The following ABHD17C variants were observed in gnomAD, a reference collection of about 807,000 sequenced individuals.
The protein encoded by ABHD17C is alpha/beta hydrolase domain-containing protein 17C.
A neutral mutation model predicts 27.9 loss-of-function variants in ABHD17C; 11 were observed. The ratio of observed to expected loss-of-function variants is 0.39; its 90% confidence interval spans 0.25 to 0.65. The LOEUF (loss-of-function observed/expected upper bound fraction) is 0.65. Among genes scored for constraint, ABHD17C ranks in the 30% least tolerant of loss-of-function variants. ABHD17C has a pLI of 0.45. For synonymous variants in ABHD17C, 233 were observed against 209.1 expected, an observed-to-expected ratio of 1.11 and a Z score of -0.98; for missense variants, 280 against 470.2, an observed-to-expected ratio of 0.60 and a Z score of 3.74.
intron 1 of ABHD17C, among the ~76,000 whole-genome samples, chr15:80,710,627 T>C (rs1304107416): frequency 2.0e-5 from 3 of 152,230 alleles, no homozygotes; most frequent in Non-Finnish European, 2.9e-5. Flanking sequence ...CAGTATTTGC[T>C]GATGCAGAGT....
intron 1 of ABHD17C, among the ~76,000 whole-genome samples, 194 bp from the exon 2 acceptor site, chr15:80,749,315 CACTT>C (rs1336464170): frequency 6.6e-6 from 1 of 152,154 alleles, no homozygotes; most frequent in East Asian, 1.9e-4. Context: ...GAATCATAGT[CACTT>C]AGTACCAAAA....
chr15:80,729,104 G>C (rs75638527), intron 1 of ABHD17C, among the ~76,000 whole-genome samples: 1 of 152,100 alleles, frequency 6.6e-6, no homozygotes, highest in Admixed American at 6.5e-5. Flanking sequence ...GTTTATTATC[G>C]TATCTTCAGC....
At chr15:80,728,928 A>G (rs776412240) in intron 1 of ABHD17C, among the ~76,000 whole-genome samples, 4 of 152,216 alleles carry the variant, frequency 2.6e-5, no homozygotes, top group Non-Finnish European at 5.9e-5. Flanking sequence ...CAGATTTTCT[A>G]AAGTCTGTAT....
chr15:80,732,356 T>C (rs1393523190), intron 1 of ABHD17C, among the ~76,000 whole-genome samples: 1 of 152,208 alleles, frequency 6.6e-6, no homozygotes, highest in African/African-American at 2.4e-5. Flanking sequence ...CCACGTTTAG[T>C]CCATATCCCA....
chr15:80,730,697 G>C (rs1895046127), intron 1 of ABHD17C, among the ~76,000 whole-genome samples: 1 of 152,142 alleles, frequency 6.6e-6, no homozygotes, highest in Admixed American at 6.5e-5. Flanking sequence ...CGTGTGAAGT[G>C]CTTACTTCAG....
chr15:80,715,692 T>G (rs1894794892), intron 1 of ABHD17C, among the ~76,000 whole-genome samples: 1 of 152,212 alleles, frequency 6.6e-6, no homozygotes, highest in African/African-American at 2.4e-5. Context: ...GTACACTCTC[T>G]TGGTTCCTAA....
intron 1 of ABHD17C, among the ~76,000 whole-genome samples, chr15:80,741,090 G>A (rs989531893): frequency 3.3e-5 from 5 of 151,994 alleles, no homozygotes; most frequent in African/African-American, 4.8e-5. Context: ...ATCTGTGTCC[G>A]AATTACTCAC....
chr15:80,707,001 A>T (rs10519290), intron 1 of ABHD17C, among the ~76,000 whole-genome samples: 2,982 of 152,342 alleles, frequency 0.02, 88 homozygotes, highest in Admixed American at 0.09. Flanking sequence ...AGAAGACTGG[A>T]TAAAATAAGT....
At chr15:80,718,720 G>C (rs1399896733) in intron 1 of ABHD17C, among the ~76,000 whole-genome samples, 1 of 152,154 alleles carries the variant, frequency 6.6e-6, no homozygotes, top group African/African-American at 2.4e-5. Context: ...TTTTAGATCA[G>C]ATTCTTAAAT....
At chr15:80,750,543 A>G (rs1026278735) in intron 2 of ABHD17C, among the ~76,000 whole-genome samples, 1 of 152,148 alleles carries the variant, frequency 6.6e-6, no homozygotes, top group Non-Finnish European at 1.5e-5. Flanking sequence ...TCATCCTGCT[A>G]TTGCTGGAAA....
At chr15:80,746,462 CT>C (rs1480390344) in intron 1 of ABHD17C, among the ~76,000 whole-genome samples, 1 of 151,002 alleles carries the variant, frequency 6.6e-6, no homozygotes, top group African/African-American at 2.4e-5. Flanking sequence ...ATGACTAGTG[CT>C]TTTTTGTGTT....
intron 2 of ABHD17C, among the ~76,000 whole-genome samples, chr15:80,751,353 C>A (rs1302437727): frequency 6.6e-6 from 1 of 151,906 alleles, no homozygotes; most frequent in Non-Finnish European, 1.5e-5. Context: ...GAGCAAGATT[C>A]TGTCTCCAAA....
intron 1 of ABHD17C, among the ~76,000 whole-genome samples, chr15:80,720,414 A>G (rs1220096389): frequency 1.3e-5 from 2 of 151,892 alleles, no homozygotes; most frequent in African/African-American, 4.8e-5. Context: ...TCTAGAAACC[A>G]CTTGATGGAT....
intron 1 of ABHD17C, among the ~76,000 whole-genome samples, chr15:80,734,495 G>A (rs1895101005): frequency 6.6e-6 from 1 of 152,108 alleles, no homozygotes; most frequent in Non-Finnish European, 1.5e-5. Flanking sequence ...ATAAGTTCAA[G>A]CAAATTATTC....
chr15:80,741,457 A>G (rs561742598), intron 1 of ABHD17C, among the ~76,000 whole-genome samples: 57 of 150,524 alleles, frequency 3.8e-4, no homozygotes, highest in African/African-American at 1.3e-3. Context: ...AGAACTTCCT[A>G]TTCACTTAAA....
chr15:80,705,333 T>TTTTGTG lies in ABHD17C; in HGVS notation c.590+9315_590+9316insTTGTGT, dbSNP rs10523879. On this transcript the variant is annotated intron_variant, in intron 1 of 2. Transcript: ENST00000258884. ...CCTGCAGTTCTGAGCTTCCTATGAT[T>TTTTGTG]TGTGTGTGTGTGTGTGTGTGTGTGT... 4.4e-4 allele frequency among the ~76,000 whole-genome samples: 47 copies of TTTTGTG among 106,880 alleles called. 1 individual carries two copies. The highest frequency in any genetic ancestry group is 1.4e-3 in the South Asian group (4 of 2,834). 70.1% of individuals were successfully genotyped at this position (106,880 alleles called of 152,430 possible).
At position 80,695,702 on chromosome 15, in the gene ABHD17C, C is replaced by T. The variant is rs1355676226; in HGVS notation, c.273C>T (p.Leu91=). ...GGCCCGGTGCGTGCAGCCTGCACCT[C>T]AGCGAGCGCGCCGACTGGCAGTACT... is the stretch of plus-strand genomic sequence containing the variant. The part of the protein sequence containing the change: ...GAGPGACSLH[L]SERADWQYSQ... The change falls in exon 1 of 3, where the codon CTC becomes CTT. Residue 91 remains leucine, a synonymous_variant. Transcript: ENST00000258884. The surrounding 1 kb of genome is among the most constrained non-coding windows in gnomAD (Gnocchi z 4.3). 6.5e-7 allele frequency: 1 copy of T among 1,531,430 alleles called. No homozygotes were observed. The highest frequency in any genetic ancestry group is 8.7e-7 in the Non-Finnish European group (1 of 1,145,444). 94.9% of individuals were successfully genotyped at this position (1,531,430 alleles called of 1,614,324 possible).
chr15:80,736,007 C>T lies in ABHD17C; in HGVS notation c.591-13506C>T, dbSNP rs1163714564. Among the ~76,000 whole-genome samples, 9 of 152,128 alleles carry T rather than the reference C, an allele frequency of 5.9e-5. No homozygotes were observed. The East Asian group carries it at 1.5e-3, about 26-fold the overall frequency. ...GTTGAGAGAATACCTGGACTGTGCCCAGGTTTTAGAAACTTCCAGGGGTTA... is the reference window on the plus strand; with the variant it reads ...GTTGAGAGAATACCTGGACTGTGCCTAGGTTTTAGAAACTTCCAGGGGTTA... On this transcript the variant is annotated intron_variant, in intron 1 of 2. Transcript: ENST00000258884.
At chr15:80,732,115 TG>T (rs1306386343) in intron 1 of ABHD17C, among the ~76,000 whole-genome samples, 1 of 151,936 alleles carries the variant, frequency 6.6e-6, no homozygotes, top group Non-Finnish European at 1.5e-5. Context: ...AAGGAGGGGG[TG>T]GTGATAACTA....
Sources: allele counts gnomAD v4.1 joint callset (sites outside exome capture counted in the v4.1 genomes callset), GRCh38; gene constraint gnomAD v4.1.1; non-coding constraint Gnocchi (gnomAD v3.1); transcripts MANE v1.5; gene names NCBI Gene and HGNC (gene_info 2026-07-23, HGNC 2026-07-21).